FBXO25: variants seen among roughly 807,000 people sequenced by gnomAD.
FBXO25 encodes the protein F-box protein 25, also known as F-box only protein 25.
In FBXO25, 45 loss-of-function variants were observed where a neutral mutation model predicts 51.9. That is an observed-to-expected ratio of 0.87 (90% CI 0.68 to 1.11). FBXO25 has a LOEUF of 1.11. Among genes scored for constraint, FBXO25 ranks in the 50% most tolerant of loss-of-function variants. The probability of loss-of-function intolerance (pLI) is 0.00; values close to 1 mark genes in which losing one functional copy is unlikely to be tolerated. For synonymous variants in FBXO25, 199 were observed against 151.0 expected (o/e 1.32, Z -2.33); for missense variants, 507 against 428.5 (o/e 1.18, Z -1.62).
At chr8:409,892 A>T in intron 1 of FBXO25, among the ~76,000 whole-genome samples, 1 of 152,322 alleles carries the variant, frequency 6.6e-6, no homozygotes, top group Non-Finnish European at 1.5e-5. Flanking sequence ...ATATTCTTCT[A>T]TGACCTGGCT....
intron 2 of FBXO25, 49 bp from the exon 3 acceptor site, chr8:431,292 T>G (rs780572148): frequency 3.9e-6 from 4 of 1,021,072 alleles, no homozygotes; most frequent in Non-Finnish European, 5.8e-6. Flanking sequence ...AAAAGCCAAA[T>G]GAAGATCTCC....
chr8:443,044 G>A (rs2116666084), intron 5 of FBXO25, among the ~76,000 whole-genome samples: 1 of 152,046 alleles, frequency 6.6e-6, no homozygotes, highest in East Asian at 1.9e-4. Flanking sequence ...TCACCACTCA[G>A]AAATGGCCAT....
At chr8:463,182 G>C (rs905226310) in intron 9 of FBXO25, 32 bp downstream of exon 9, 2 of 1,598,938 alleles carry the variant, frequency 1.3e-6, no homozygotes, top group African/African-American at 2.7e-5. Flanking sequence ...TGGAATTTCA[G>C]GATTAAATTT....
rs1399949230 is a variant in FBXO25 at position 471,717 on chromosome 8, C to T, written c.*2913C>T. On this transcript the variant is annotated 3_prime_UTR_variant, in exon 10 of 10. Transcript: ENST00000350302. ...TTTTGAGTCAAAAAGTCACATTCCT[C>T]ACCTAATTTATGAATACACACAAAT... 6.6e-6 allele frequency: 1 copy of T among 152,188 alleles called. No homozygotes were observed. The highest frequency in any genetic ancestry group is 3.2e-3 in the Middle Eastern group (1 of 316). 9.4% of individuals were successfully genotyped at this position (152,188 alleles called of 1,614,324 possible). A position where few individuals can be genotyped will look rare whatever the true frequency, so the allele number is the denominator to read the frequency against.
At chr8:434,455 T>TA (rs767461940) in intron 4 of FBXO25, among the ~76,000 whole-genome samples, 27 of 152,338 alleles carry the variant, frequency 1.8e-4, no homozygotes, top group Non-Finnish European at 2.6e-4. Context: ...GTTTTCCACA[T>TA]AGCAGGCAGT....
rs529481646 is a variant in FBXO25, at chr8:413,846, T to A, written c.134+633T>A. ...GCACTAGCGCAAGGGATGCTGGGGG[T>A]TGTGGCCCAGCCATGTGTCCAGATA... On this transcript the variant is annotated intron_variant, in intron 2 of 9. Coordinates refer to ENST00000350302, the MANE Select transcript of FBXO25 (RefSeq NM_183420.2). 8.5e-5 allele frequency among the ~76,000 whole-genome samples: 13 copies of A among 152,098 alleles called. No homozygotes were observed. In the East Asian group the frequency reaches 2.3e-3, roughly 27 times the overall value.
At chr8:428,995 T>A (rs1797659237) in intron 2 of FBXO25, among the ~76,000 whole-genome samples, 1 of 152,262 alleles carries the variant, frequency 6.6e-6, no homozygotes, top group Non-Finnish European at 1.5e-5. Flanking sequence ...AATACTGCTA[T>A]GAACGTGGGC....
Position 474,654 on chromosome 8 carries a change from C to A in FBXO25, c.*5850C>A, listed in dbSNP as rs1350963748. On this transcript the variant is annotated 3_prime_UTR_variant, in exon 10 of 10. Transcript: ENST00000350302. ...GTGATGCTGAGTATCTGTTTGTTGG[C>A]CGTTTATATGTCGTCTTTGGAGAAA... 2 of 440,080 alleles carry A rather than the reference C, an allele frequency of 4.5e-6. No homozygotes were observed. Among genetic ancestry groups the A allele is most frequent in the South Asian group, 1.6e-5 (1 of 60,614 alleles). The allele number at this position is 440,080 out of a possible 1,614,324, so 27.3% of individuals were successfully genotyped here. A position where few individuals can be genotyped will look rare whatever the true frequency, so the allele number is the denominator to read the frequency against.
chr8:458,723 G>A (rs1799613853), intron 8 of FBXO25, among the ~76,000 whole-genome samples, 172 bp downstream of exon 8: 2 of 152,166 alleles, frequency 1.3e-5, no homozygotes, highest in African/African-American at 4.8e-5. Context: ...CCTATAGAAT[G>A]TAAGGTTTAT....
intron 6 of FBXO25, chr8:450,965 C>G (rs562958839): frequency 8.1e-4 from 187 of 231,528 alleles, no homozygotes; most frequent in Non-Finnish European, 1.0e-3. Flanking sequence ...CTTTCTGTCT[C>G]TACGAGTTTG....
chr8:435,167 C>CG (rs1193032249), intron 4 of FBXO25, among the ~76,000 whole-genome samples: 1 of 152,184 alleles, frequency 6.6e-6, no homozygotes, highest in Non-Finnish European at 1.5e-5. Context: ...CAGTGCATGC[C>CG]TCCCCTGCAG....
At chr8:462,079 T>C (rs994326712) in intron 8 of FBXO25, among the ~76,000 whole-genome samples, 3 of 149,612 alleles carry the variant, frequency 2.0e-5, no homozygotes, top group East Asian at 1.9e-4. Context: ...GCCAGACTGT[T>C]TGCAAAGTGG....
chr8:465,024 C>G (rs1444237299), intron 9 of FBXO25, among the ~76,000 whole-genome samples: 1 of 152,032 alleles, frequency 6.6e-6, no homozygotes, highest in Admixed American at 6.5e-5. Flanking sequence ...AGGAGAGAAC[C>G]CTCATTCTAT....
chr8:413,086 T>A lies in FBXO25; in HGVS notation c.7T>A (p.Phe3Ile). The part of the protein sequence containing the change: MP[F>I]LGQDWRSPGW... Reference sequence around the variant, plus strand: ...ACTTTTTCATAGGAGAACTATGCCATTTTTGGGTCAGGACTGGAGATCTCC... The same window carrying A: ...ACTTTTTCATAGGAGAACTATGCCAATTTTGGGTCAGGACTGGAGATCTCC... Residue 3 changes from phenylalanine (F) to isoleucine (I), a missense_variant, in exon 2 of 10, where the codon TTT becomes ATT. By Grantham distance (21) the Phe-to-Ile change is conservative. Transcript: ENST00000350302. 2 of 1,535,526 alleles carry A rather than the reference T, an allele frequency of 1.3e-6. No individual in the cohort carries two copies. The highest frequency in any genetic ancestry group is 1.7e-6 in the Non-Finnish European group (2 of 1,146,422).
chr8:430,013 T>C (rs190532856), intron 2 of FBXO25, among the ~76,000 whole-genome samples: 27 of 152,368 alleles, frequency 1.8e-4, no homozygotes, highest in Admixed American at 1.4e-3. Context: ...TTCACCTTGC[T>C]TTTCTGTCCC....
chr8:455,779 T>C (rs1319639173), intron 7 of FBXO25, among the ~76,000 whole-genome samples: 2 of 152,234 alleles, frequency 1.3e-5, no homozygotes, highest in Non-Finnish European at 2.9e-5. Flanking sequence ...AGCATGTAGC[T>C]AATCAGTGGA....
chr8:439,194 T>A (rs1227345949), intron 5 of FBXO25, among the ~76,000 whole-genome samples: 1 of 152,180 alleles, frequency 6.6e-6, no homozygotes, highest in African/African-American at 2.4e-5. Flanking sequence ...TATCATTCCC[T>A]TGGAGTCCTG....
In FBXO25 at chr8:444,874, C is replaced by T. The variant is rs535032368; in HGVS notation, c.382-5116C>T. Among the ~76,000 whole-genome samples, 105 of 152,312 alleles carry T rather than the reference C, an allele frequency of 6.9e-4. 1 individual carries two copies. Among genetic ancestry groups the T allele is most frequent in the African/African-American group, 2.5e-3 (102 of 41,562 alleles). On this transcript the variant is annotated intron_variant, in intron 5 of 9. Coordinates refer to ENST00000350302, the MANE Select transcript of FBXO25 (RefSeq NM_183420.2). ...AGCTGTGTAGGTGTTGTGTAATACA[C>T]TCTGTGATGTTCACACAGTGAGGAA...
In FBXO25 at chr8:473,444, A is replaced by T. The variant is rs1800546328; in HGVS notation, c.*4640A>T. 6.6e-6 allele frequency: 1 copy of T among 152,258 alleles called. No individual in the cohort carries two copies. The highest frequency in any genetic ancestry group is 1.5e-5 in the Non-Finnish European group (1 of 68,100). The allele number at this position is 152,258 out of a possible 1,614,324, so 9.4% of individuals were successfully genotyped here. ...GCCCTCAGCATCTGTGAGATGAAGG[A>T]GTTGCTCCCCAGGGCACCTGCCCCA... On this transcript the variant is annotated 3_prime_UTR_variant, in exon 10 of 10. Coordinates refer to ENST00000350302, the MANE Select transcript of FBXO25 (RefSeq NM_183420.2).
Sources: allele counts gnomAD v4.1 joint callset (sites outside exome capture counted in the v4.1 genomes callset), GRCh38; gene constraint gnomAD v4.1.1; transcripts MANE v1.5; gene names NCBI Gene and HGNC (gene_info 2026-07-23, HGNC 2026-07-21).